KLHL36: variants seen among roughly 807,000 people sequenced by gnomAD.
The protein encoded by KLHL36 is kelch like family member 36.
Under a neutral mutation model 53.3 loss-of-function variants are expected in KLHL36, and 35 were observed. The observed-to-expected ratio is 0.66, with a 90% confidence interval of 0.50 to 0.87. The LOEUF (loss-of-function observed/expected upper bound fraction) is 0.87. Among genes scored for constraint, KLHL36 ranks in the 40% least tolerant of loss-of-function variants. The probability of loss-of-function intolerance (pLI) is 0.00; values close to 1 mark genes in which losing one functional copy is unlikely to be tolerated. For synonymous variants in KLHL36, 472 were observed against 398.9 expected (o/e 1.18, Z -2.18); for missense variants, 864 against 897.6 (o/e 0.96, Z 0.48).
chr16:84,658,417 A>T (rs565295032), intron 3 of KLHL36: 1 of 152,974 alleles, frequency 6.5e-6, no homozygotes, highest in Middle Eastern at 3.3e-3. Context: ...CAGGTCCTGG[A>T]GTCTCTGTGG....
In KLHL36 at chr16:84,661,670, T is replaced by C; in HGVS notation, c.1388T>C (p.Leu463Pro). Reference protein sequence around the residue: ...DYQIGPYRKNLLCYDHRTDVW... With the variant: ...DYQIGPYRKNPLCYDHRTDVW... ...CAAATTGGCCCCTACCGCAAGAACC[T>C]GCTATGCTACGACCACCGGACAGAC... Residue 463 changes from leucine (L) to proline (P), a missense_variant, in exon 5 of 5, where the codon CTG becomes CCG. Leu to Pro is a moderately conservative substitution (Grantham distance 98, BLOSUM62 -3). Coordinates refer to ENST00000564996, the MANE Select transcript of KLHL36 (RefSeq NM_024731.4). The surrounding 1 kb of genome is among the most constrained non-coding windows in gnomAD (Gnocchi z 7.9). 1.2e-6 allele frequency: 2 copies of C among 1,613,288 alleles called. No individual in the cohort carries two copies. The highest frequency in any genetic ancestry group is 1.7e-6 in the Non-Finnish European group (2 of 1,179,834).
chr16:84,649,014 G>A (rs912722931), intron 1 of KLHL36: 1 of 152,172 alleles, frequency 6.6e-6, no homozygotes, highest in African/African-American at 2.4e-5. Context: ...CGGCGTCCCC[G>A]GAGACCCCGC....
At position 84,657,692 on chromosome 16, in the gene KLHL36, G is replaced by A. The variant is rs370723767; in HGVS notation, c.885G>A (p.Glu295=). The A allele has an allele frequency of 5.0e-6, 8 of 1,612,646 alleles. No individual in the cohort carries two copies. The African/African-American group carries it at 1.1e-4, about 22-fold the overall frequency. ...GCACGGCGCTGCGCACCAACCAGGA[G>A]CGCCTGCTGTTTGTGGGCGGCGAGG... ...TKRTALRTNQ[E]RLLFVGGEVS... The change falls in exon 3 of 5, where the codon GAG becomes GAA. Residue 295 remains glutamate (E), a synonymous_variant. Coordinates refer to ENST00000564996, the MANE Select transcript of KLHL36 (RefSeq NM_024731.4).
rs779633006 is a variant in KLHL36, at chr16:84,650,960, A to C, written c.63+30A>C. 1.9e-6 allele frequency: 3 copies of C among 1,556,590 alleles called. No individual in the cohort carries two copies. In the South Asian group the frequency reaches 3.5e-5, roughly 18 times the overall value. ...GTGAATGTTCACTCACCACCTATGC[A>C]AATTGCCTAAGAAGTGTGATCCTTT... is the stretch of plus-strand genomic sequence containing the variant. On this transcript the variant is annotated intron_variant, in intron 2 of 4. Coordinates refer to ENST00000564996, the MANE Select transcript of KLHL36 (RefSeq NM_024731.4).
intron 3 of KLHL36, chr16:84,658,674 G>C (rs969605036): frequency 2.6e-5 from 4 of 152,282 alleles, no homozygotes; most frequent in African/African-American, 9.6e-5. Context: ...TGACTGGCAA[G>C]CCCCTGGCGT....
rs183646482 is a variant in KLHL36, at chr16:84,662,314, A to G, written c.*181A>G. On this transcript the variant is annotated 3_prime_UTR_variant, in exon 5 of 5. Coordinates refer to ENST00000564996, the MANE Select transcript of KLHL36 (RefSeq NM_024731.4). Reference sequence around the variant, plus strand: ...TTAAATACTATCTGTAACTTTACATATCTTGCTTGAATAACTAACCCTGGG... The same window carrying G: ...TTAAATACTATCTGTAACTTTACATGTCTTGCTTGAATAACTAACCCTGGG... 2.0e-5 allele frequency: 12 copies of G among 606,820 alleles called. No homozygotes were observed. Among genetic ancestry groups the G allele is most frequent in the Non-Finnish European group, 3.3e-5 (12 of 362,942 alleles). The allele number at this position is 606,820 out of a possible 1,614,324, so 37.6% of individuals were successfully genotyped here. A position where few individuals can be genotyped will look rare whatever the true frequency, so the allele number is the denominator to read the frequency against.
Position 84,662,717 on chromosome 16 carries a change from C to T in KLHL36, c.*584C>T, listed in dbSNP as rs1355195270. On this transcript the variant is annotated 3_prime_UTR_variant, in exon 5 of 5. Transcript: ENST00000564996. ...TTATAAATGAGTGCACAGAGACCAC[C>T]CATGAGGGTGAGTGAGTGAGTGACC... The T allele has an allele frequency of 6.6e-6, 1 of 152,344 alleles. No individual in the cohort carries two copies. The highest frequency in any genetic ancestry group is 1.5e-5 in the Non-Finnish European group (1 of 68,180). The allele number at this position is 152,344 out of a possible 1,614,324, so 9.4% of individuals were successfully genotyped here.
intron 2 of KLHL36, 37 bp from the exon 3 acceptor site, chr16:84,656,834 G>T: frequency 6.6e-7 from 1 of 1,526,278 alleles, no homozygotes; most frequent in Non-Finnish European, 8.9e-7. Flanking sequence ...GGCCGAGCAG[G>T]CTGCTGCGCC....
rs545429421 is a variant in KLHL36 at position 84,661,094 on chromosome 16, C to T, written c.1296-484C>T. ...ACTGTGTGCGTGCTGTCCATCCCTC[C>T]CTCCCCTCTCCCCACAGTCCTGGCA... On this transcript the variant is annotated intron_variant, in intron 4 of 4. Coordinates refer to ENST00000564996, the MANE Select transcript of KLHL36 (RefSeq NM_024731.4). The surrounding 1 kb of genome is among the most constrained non-coding windows in gnomAD (Gnocchi z 7.9). Among the ~76,000 whole-genome samples, 5 of 152,320 alleles carry T rather than the reference C, an allele frequency of 3.3e-5. No homozygotes were observed. In the East Asian group the frequency reaches 7.7e-4, roughly 24 times the overall value.
chr16:84,661,568 G>A lies in KLHL36; in HGVS notation c.1296-10G>A, dbSNP rs750480241. The A allele has an allele frequency of 1.7e-5, 27 of 1,565,854 alleles. No homozygotes were observed. The East Asian group carries it at 4.5e-4, about 26-fold the overall frequency. ...AGCTCTCCCTCTGTCTCTGCCCGTC[G>A]ACCCTGCAGGTTCACGTACGGCCAC... On this transcript the variant is annotated splice_polypyrimidine_tract_variant and intron_variant, in intron 4 of 4. Transcript: ENST00000564996. This position sits in a 1 kb window ranked among gnomAD's most constrained non-coding sequence, Gnocchi z 7.9.
chr16:84,659,961 T>C (rs771511143), intron 4 of KLHL36, 44 bp downstream of exon 4: 48 of 1,580,270 alleles, frequency 3.0e-5, no homozygotes, highest in Non-Finnish European at 4.0e-5. Context: ...GGGATGTTTT[T>C]AAGGGACATA....
intron 2 of KLHL36, among the ~76,000 whole-genome samples, chr16:84,652,885 A>T (rs1265069645): frequency 6.6e-6 from 1 of 152,074 alleles, no homozygotes; most frequent in Non-Finnish European, 1.5e-5. Flanking sequence ...GTGTCTTCCC[A>T]CTGTGTGGCC....
At chr16:84,656,617 G>C (rs1368929408) in intron 2 of KLHL36, among the ~76,000 whole-genome samples, 1 of 114,824 alleles carries the variant, frequency 8.7e-6, no homozygotes, top group East Asian at 2.8e-4. Context: ...GGGCGACAGA[G>C]CAAGGCTCTG....
chr16:84,661,882 C>G lies in KLHL36; in HGVS notation c.1600C>G (p.His534Asp), dbSNP rs747736780. 3.7e-6 allele frequency: 6 copies of G among 1,600,580 alleles called. No homozygotes were observed. In the Middle Eastern group the frequency reaches 5.0e-4, roughly 133 times the overall value. Reference sequence around the variant, plus strand: ...GTGGACCCGCGTGGCGCCGCTGCTGCACGCCAACAGCGAGTCGGGCGTGGC... The same window carrying G: ...GTGGACCCGCGTGGCGCCGCTGCTGGACGCCAACAGCGAGTCGGGCGTGGC... ...NQWTRVAPLL[H>D]ANSESGVAVW... The change falls in exon 5 of 5, where the codon CAC becomes GAC. Residue 534 changes from histidine (H) to aspartate (D), a missense_variant. Physicochemically the swap from His to Asp is moderately conservative, Grantham distance 81. Transcript: ENST00000564996. This position sits in a 1 kb window ranked among gnomAD's most constrained non-coding sequence, Gnocchi z 7.9.
chr16:84,659,773 A>C lies in KLHL36; in HGVS notation c.1151A>C (p.Asn384Thr), dbSNP rs1275714425. 10 of 1,614,112 alleles carry C rather than the reference A, an allele frequency of 6.2e-6. No homozygotes were observed. Among genetic ancestry groups the C allele is most frequent in the Non-Finnish European group, 8.5e-6 (10 of 1,180,008 alleles). The change falls in exon 4 of 5, where the codon AAC (asparagine) becomes ACC (threonine). Residue 384 changes from asparagine (N) to threonine (T), a missense_variant. Asn to Thr is a moderately conservative substitution (Grantham distance 65). Transcript: ENST00000564996. ...TCAACTCCACAGGTGGCCTCCATGAACCAGCGCCGTGTGGATTTCTACCTT... is the reference window on the plus strand; with the variant it reads ...TCAACTCCACAGGTGGCCTCCATGACCCAGCGCCGTGTGGATTTCTACCTT... ...CKQWIKVASM[N>T]QRRVDFYLAS...
At chr16:84,654,742 C>G (rs1372085866) in intron 2 of KLHL36, among the ~76,000 whole-genome samples, 6 of 152,138 alleles carry the variant, frequency 3.9e-5, no homozygotes, top group Non-Finnish European at 8.8e-5. Context: ...TCCTGAGTAG[C>G]TAGGATGACA....
rs7201417 is a variant in KLHL36, at chr16:84,661,836, C to T, written c.1554C>T (p.Ala518=). Residue 518 remains alanine, a synonymous_variant, in exon 5 of 5, where the codon GCC becomes GCT. Coordinates refer to ENST00000564996, the MANE Select transcript of KLHL36 (RefSeq NM_024731.4). This position sits in a 1 kb window ranked among gnomAD's most constrained non-coding sequence, Gnocchi z 7.9. ...GCTTCGACGTGCTGGGCGTGGAGGC[C>T]TACAGCCCGCAGTGCAACCAGTGGA... is the stretch of plus-strand genomic sequence containing the variant. ...MERFDVLGVE[A]YSPQCNQWTR... 3.7e-6 allele frequency: 6 copies of T among 1,606,302 alleles called. No individual in the cohort carries two copies. The South Asian group carries it at 5.5e-5, about 15-fold the overall frequency.
intron 2 of KLHL36, among the ~76,000 whole-genome samples, chr16:84,655,469 C>T (rs931780034): frequency 6.6e-6 from 1 of 152,066 alleles, no homozygotes; most frequent in Non-Finnish European, 1.5e-5. Flanking sequence ...CCCAGTTACT[C>T]AGGAGGCTAA....
chr16:84,657,410 G>T lies in KLHL36; in HGVS notation c.603G>T (p.Glu201Asp), dbSNP rs1907275868. Reference protein sequence around the residue: ...QKLCVYLSSSEVQRECEHDLL... With the variant: ...QKLCVYLSSSDVQRECEHDLL... ...TGTGTGTCTACCTGAGCAGCAGCGAGGTGCAGCGGGAGTGTGAGCACGACC... is the reference window on the plus strand; with the variant it reads ...TGTGTGTCTACCTGAGCAGCAGCGATGTGCAGCGGGAGTGTGAGCACGACC... The change falls in exon 3 of 5, where the codon GAG becomes GAT. Residue 201 changes from glutamate (E) to aspartate (D), a missense_variant. By Grantham distance (45) the Glu-to-Asp change is conservative. Transcript: ENST00000564996. 2 of 1,606,774 alleles carry T rather than the reference G, an allele frequency of 1.2e-6. No individual in the cohort carries two copies. Among genetic ancestry groups the T allele is most frequent in the Non-Finnish European group, 1.7e-6 (2 of 1,179,966 alleles).
Sources: gnomAD v4.1 joint callset for allele counts (sites outside exome capture counted in the v4.1 genomes callset) on GRCh38, gnomAD v4.1.1 for gene constraint, Gnocchi (gnomAD v3.1) non-coding constraint, MANE v1.5 for transcripts, NCBI Gene and HGNC (gene_info 2026-07-23, HGNC 2026-07-21) for gene names.